WDR91: variants seen among roughly 807,000 people sequenced by gnomAD.
WDR91 encodes WD repeat domain 91, also known as WD repeat-containing protein 91.
WDR91 carries 52 observed loss-of-function variants against 88.4 expected under a neutral mutation model. The observed-to-expected ratio is 0.59, with a 90% CI of 0.47 to 0.74. WDR91 has a LOEUF of 0.74. WDR91 is among the 30% of genes least tolerant of loss of function. The pLI, the probability that WDR91 is intolerant of heterozygous loss-of-function variation, is 0.00. For missense variants in WDR91, 824 were observed against 954.5 expected (o/e 0.86, Z 1.80); for synonymous variants, 362 against 389.5 (o/e 0.93, Z 0.83).
intron 1 of WDR91, chr7:135,210,722 G>C: frequency 1.4e-6 from 1 of 697,812 alleles, no homozygotes; most frequent in Non-Finnish European, 2.6e-6. Context: ...TGGCCAGGCA[G>C]GAAACCAGAT....
chr7:135,201,969 A>C (rs1386358675), intron 6 of WDR91: 1 of 152,196 alleles, frequency 6.6e-6, no homozygotes, highest in Non-Finnish European at 1.5e-5. Flanking sequence ...ATCATGCCAT[A>C]GGGACAAACA....
intron 5 of WDR91, among the ~76,000 whole-genome samples, chr7:135,204,704 GCTA>G (rs1831698120): frequency 6.6e-6 from 1 of 152,208 alleles, no homozygotes; most frequent in East Asian, 1.9e-4. Flanking sequence ...GGTCACGTGT[GCTA>G]CTGAGCAAAT....
chr7:135,183,853 C>G lies in WDR91; in HGVS notation c.*2298G>C, dbSNP rs1256441657. ...AGAGATAAGCGGAAGTTCCAACATGCTTTATTTGAGGACGAGCGCTCACCC... is the reference window on the plus strand; with the variant it reads ...AGAGATAAGCGGAAGTTCCAACATGGTTTATTTGAGGACGAGCGCTCACCC... On this transcript the variant is annotated 3_prime_UTR_variant, in exon 15 of 15. Coordinates refer to ENST00000354475, the MANE Select transcript of WDR91 (RefSeq NM_014149.4). 6.6e-6 allele frequency: 1 copy of G among 152,134 alleles called. No homozygotes were observed. The highest frequency in any genetic ancestry group is 1.5e-5 in the Non-Finnish European group (1 of 68,036). 9.4% of individuals were successfully genotyped at this position (152,134 alleles called of 1,614,324 possible).
At chr7:135,204,175 C>T in intron 6 of WDR91, 93 bp downstream of exon 6, 2 of 1,457,282 alleles carry the variant, frequency 1.4e-6, no homozygotes, top group African/African-American at 1.4e-5. Flanking sequence ...AAAAGGAGGG[C>T]AAACAAGTCT....
intron 6 of WDR91, among the ~76,000 whole-genome samples, chr7:135,203,611 A>T (rs999947794): frequency 6.6e-6 from 1 of 152,220 alleles, no homozygotes; most frequent in African/African-American, 2.4e-5. Context: ...AAATGCATGG[A>T]TTCAGAGGTA....
At chr7:135,191,461 TG>T (rs1022078413) in intron 11 of WDR91, among the ~76,000 whole-genome samples, 2 of 151,964 alleles carry the variant, frequency 1.3e-5, no homozygotes, top group Non-Finnish European at 2.9e-5. Flanking sequence ...AAAAATTAGC[TG>T]GGTGTGGTGG....
At position 135,184,248 on chromosome 7, in the gene WDR91, A is replaced by C. The variant is rs1253448993; in HGVS notation, c.*1903T>G. On this transcript the variant is annotated 3_prime_UTR_variant, in exon 15 of 15. Coordinates refer to ENST00000354475, the MANE Select transcript of WDR91 (RefSeq NM_014149.4). ...GTTTTCTCATAATCAAGCCACTTAAATACCTCCCTACTTTTCCCTCAACTC... is the reference window on the plus strand; with the variant it reads ...GTTTTCTCATAATCAAGCCACTTAACTACCTCCCTACTTTTCCCTCAACTC... 6.6e-6 allele frequency: 1 copy of C among 152,208 alleles called. No homozygotes were observed. The highest frequency in any genetic ancestry group is 1.5e-5 in the Non-Finnish European group (1 of 68,030). 9.4% of individuals were successfully genotyped at this position (152,208 alleles called of 1,614,324 possible).
At chr7:135,193,906 G>T in intron 9 of WDR91, 1 of 522,942 alleles carries the variant, frequency 1.9e-6, no homozygotes, top group Non-Finnish European at 3.5e-6. Flanking sequence ...TGTGGAATGG[G>T]AGAGACGCGT....
In WDR91 at chr7:135,208,897, T is replaced by C. The variant is rs779338219; in HGVS notation, c.405A>G (p.Pro135=). The C allele has an allele frequency of 1.2e-6, 2 of 1,614,198 alleles. No homozygotes were observed. Among genetic ancestry groups the C allele is most frequent in the Non-Finnish European group, 1.7e-6 (2 of 1,180,034 alleles). The change falls in exon 3 of 15, where the codon CCA becomes CCG. Residue 135 remains proline (P), a synonymous_variant. Transcript: ENST00000354475. ...CAAAGGTGGGGTTGGTGTCCGGGGA[T>C]GGCAGGAAGGGCAGGACAAACCAAT... ...WKDWFVLPFL[P]SPDTNPTFAT... is the part of the protein sequence containing the mutation.
intron 11 of WDR91, among the ~76,000 whole-genome samples, chr7:135,192,937 T>G (rs577476887): frequency 6.6e-6 from 1 of 152,256 alleles, no homozygotes; most frequent in Admixed American, 6.5e-5. Flanking sequence ...GCTGCTATAA[T>G]TCTCATACAA....
Position 135,186,968 on chromosome 7 carries a change from T to A in WDR91, c.2079+4A>T. On this transcript the variant is annotated splice_donor_region_variant and intron_variant, in intron 14 of 14. Transcript: ENST00000354475. ...ACTACCTCCCACCCCCAACCATCAG[T>A]TACCTTGTAGATGACGCCGCCTGTG... The A allele has an allele frequency of 6.2e-7, 1 of 1,613,346 alleles. No individual in the cohort carries two copies. Among genetic ancestry groups the A allele is most frequent in the South Asian group, 1.1e-5 (1 of 91,040 alleles).
chr7:135,196,384 A>G lies in WDR91; in HGVS notation c.1051-47T>C. The stretch of plus-strand genomic sequence containing the variant: ...CAAGTCAGCCAGGAAAGGGTCCCCC[A>G]CACCAGGGTGTACACCGCAGGGGGT... On this transcript the variant is annotated intron_variant, in intron 7 of 14. Coordinates refer to ENST00000354475, the MANE Select transcript of WDR91 (RefSeq NM_014149.4). This position sits in a 1 kb window ranked among gnomAD's most constrained non-coding sequence, Gnocchi z 4.2. 1.4e-6 allele frequency: 2 copies of G among 1,471,988 alleles called. No individual in the cohort carries two copies. Among genetic ancestry groups the G allele is most frequent in the Non-Finnish European group, 1.8e-6 (2 of 1,110,366 alleles). 91.2% of individuals were successfully genotyped at this position (1,471,988 alleles called of 1,614,324 possible). A position where few individuals can be genotyped will look rare whatever the true frequency, so the allele number is the denominator to read the frequency against.
chr7:135,206,084 C>T (rs762211583), intron 4 of WDR91, 26 bp from the exon 5 acceptor site: 2 of 1,613,984 alleles, frequency 1.2e-6, no homozygotes, highest in South Asian at 2.2e-5. Context: ...ACTGAGTTAG[C>T]CAATGATCTC....
At chr7:135,201,807 A>G (rs1319494519) in intron 6 of WDR91, among the ~76,000 whole-genome samples, 1 of 152,252 alleles carries the variant, frequency 6.6e-6, no homozygotes, top group Non-Finnish European at 1.5e-5. Flanking sequence ...GTACATTATG[A>G]AAATGGCAGG....
intron 6 of WDR91, chr7:135,198,819 G>T (rs1221393920): frequency 6.6e-6 from 1 of 152,140 alleles, no homozygotes. Context: ...AGCAAGAGGG[G>T]ATGAATTTGA....
chr7:135,186,839 CT>C, intron 14 of WDR91, 132 bp downstream of exon 14: 1 of 1,091,624 alleles, frequency 9.2e-7, no homozygotes, highest in Non-Finnish European at 1.4e-6. Context: ...GCCAGCGATC[CT>C]TTGTCAAAGG....
At chr7:135,195,256 G>A (rs555258994) in intron 8 of WDR91, among the ~76,000 whole-genome samples, 172 bp from the exon 9 acceptor site, 2 of 152,216 alleles carry the variant, frequency 1.3e-5, no homozygotes, top group East Asian at 1.9e-4. Flanking sequence ...TCATTCATTC[G>A]TTTGTCTAAG....
chr7:135,209,520 TG>T lies in WDR91; in HGVS notation c.303+55del, dbSNP rs1434335787. On this transcript the variant is annotated intron_variant, in intron 2 of 14. Coordinates refer to ENST00000354475, the MANE Select transcript of WDR91 (RefSeq NM_014149.4). The stretch of plus-strand genomic sequence containing the variant: ...CTAGGAACTGGAAGAAAATCTATTT[TG>T]GGATCAAAGAGCTCCTTCCACCAAG... 29 of 1,454,656 alleles carry T rather than the reference TG, an allele frequency of 2.0e-5. No individual in the cohort carries two copies. In the African/African-American group the frequency reaches 3.6e-4, roughly 18 times the overall value. The allele number at this position is 1,454,656 out of a possible 1,614,324, so 90.1% of individuals were successfully genotyped here. A position where few individuals can be genotyped will look rare whatever the true frequency, so the allele number is the denominator to read the frequency against.
chr7:135,209,811 C>T, intron 1 of WDR91, 56 bp from the exon 2 acceptor site: 1 of 1,414,178 alleles, frequency 7.1e-7, no homozygotes. Flanking sequence ...ATTCTCCCCT[C>T]CATGGAATAA....
Sources: gnomAD v4.1 joint callset for allele counts (sites outside exome capture counted in the v4.1 genomes callset) on GRCh38, gnomAD v4.1.1 for gene constraint, Gnocchi (gnomAD v3.1) non-coding constraint, MANE v1.5 for transcripts, NCBI Gene and HGNC (gene_info 2026-07-23, HGNC 2026-07-21) for gene names.